Variants in PDE1C observed in about 807,000 individuals in gnomAD.
PDE1C encodes the protein phosphodiesterase 1C.
A neutral mutation model predicts 93.1 loss-of-function variants in PDE1C; 62 were observed. The ratio of observed to expected loss-of-function variants is 0.67; its 90% confidence interval spans 0.54 to 0.82. The LOEUF is 0.82. PDE1C is among the 40% of genes least tolerant of loss of function. PDE1C has a pLI of 0.00. For missense variants in PDE1C, 742 were observed against 884.6 expected (o/e 0.84, Z 2.04); for synonymous variants, 325 against 310.1 (o/e 1.05, Z -0.50).
intron 1 of PDE1C, among the ~76,000 whole-genome samples, chr7:32,398,017 G>T (rs1426787758): frequency 7.2e-5 from 11 of 152,102 alleles, no homozygotes; most frequent in African/African-American, 2.7e-4. Flanking sequence ...GCCGGGGGTG[G>T]TGGCGGGCGC....
chr7:31,787,874 T>C (rs1784175964), intron 16 of PDE1C: 1 of 152,244 alleles, frequency 6.6e-6, no homozygotes, highest in Non-Finnish European at 1.5e-5. Flanking sequence ...TATCAATTCA[T>C]AGCATCATAT....
intron 3 of PDE1C, among the ~76,000 whole-genome samples, chr7:32,149,886 C>G (rs541836134): frequency 2.2e-4 from 34 of 152,294 alleles, no homozygotes; most frequent in East Asian, 2.1e-3. Flanking sequence ...TGCCCACCCC[C>G]ACTCCACCCC....
At chr7:32,162,489 T>C (rs780779573) in intron 3 of PDE1C, among the ~76,000 whole-genome samples, 1 of 152,112 alleles carries the variant, frequency 6.6e-6, no homozygotes, top group Non-Finnish European at 1.5e-5. Flanking sequence ...TGAGCGAGGC[T>C]GAGAAAGCCA....
chr7:31,645,693 C>T, the PDE1C span, among the ~76,000 whole-genome samples: 1 of 152,098 alleles, frequency 6.6e-6, no homozygotes, highest in African/African-American at 2.4e-5. Context: ...GGGATAATTT[C>T]CCACCCCTGA....
intron 3 of PDE1C, among the ~76,000 whole-genome samples, chr7:32,165,041 T>C (rs887588304): frequency 2.0e-5 from 3 of 152,222 alleles, no homozygotes; most frequent in East Asian, 1.9e-4. Flanking sequence ...AGCCTTTTTC[T>C]TTATTTGTGG....
At chr7:31,908,590 C>G (rs187725279) in intron 2 of PDE1C, among the ~76,000 whole-genome samples, 1 of 152,180 alleles carries the variant, frequency 6.6e-6, no homozygotes, top group African/African-American at 2.4e-5. Context: ...TGACTTTGCA[C>G]TGATAACCTC....
At chr7:31,966,136 A>G (rs1481980643) in intron 2 of PDE1C, among the ~76,000 whole-genome samples, 3 of 152,236 alleles carry the variant, frequency 2.0e-5, no homozygotes, top group Non-Finnish European at 4.4e-5. Flanking sequence ...AATGGGCTAA[A>G]TATTCCAATT....
chr7:32,401,858 T>C (rs918804587), intron 1 of PDE1C, among the ~76,000 whole-genome samples: 1 of 152,206 alleles, frequency 6.6e-6, no homozygotes, highest in Non-Finnish European at 1.5e-5. Flanking sequence ...TAGGAGAATA[T>C]GGGCTTCAGT....
At chr7:31,988,688 T>C (rs2129071178) in intron 2 of PDE1C, among the ~76,000 whole-genome samples, 1 of 152,272 alleles carries the variant, frequency 6.6e-6, no homozygotes, top group South Asian at 2.1e-4. Context: ...AGTGAGACCC[T>C]GTCTCTTATA....
intron 1 of PDE1C, among the ~76,000 whole-genome samples, chr7:32,254,272 T>C (rs1809618623): frequency 6.6e-6 from 1 of 151,974 alleles, no homozygotes; most frequent in Non-Finnish European, 1.5e-5. Flanking sequence ...GAGCTGGAGG[T>C]CCTATGTTAT....
chr7:32,103,679 G>A (rs897469069), intron 3 of PDE1C, among the ~76,000 whole-genome samples: 4 of 152,058 alleles, frequency 2.6e-5, no homozygotes, highest in Non-Finnish European at 5.9e-5. Flanking sequence ...AAATACAAAC[G>A]GACAATGATT....
At chr7:32,159,746 G>T (rs571036996) in intron 3 of PDE1C, among the ~76,000 whole-genome samples, 64 of 152,288 alleles carry the variant, frequency 4.2e-4, no homozygotes, top group African/African-American at 1.5e-3. Context: ...GGTGAGACCT[G>T]AGTGTCCTCT....
At chr7:32,101,562 C>A (rs534458850) in intron 3 of PDE1C, among the ~76,000 whole-genome samples, 2 of 152,184 alleles carry the variant, frequency 1.3e-5, no homozygotes, top group Admixed American at 6.5e-5. Context: ...TATAAAAGAG[C>A]CTTATACAAC....
At chr7:31,675,109 T>G in the PDE1C span, among the ~76,000 whole-genome samples, 1 of 152,192 alleles carries the variant, frequency 6.6e-6, no homozygotes, top group South Asian at 2.1e-4. Flanking sequence ...GCAGGTGCAC[T>G]GGCAGCAGTA....
chr7:32,011,036 T>C (rs777786491), intron 2 of PDE1C, among the ~76,000 whole-genome samples: 4 of 152,148 alleles, frequency 2.6e-5, no homozygotes, highest in Non-Finnish European at 4.4e-5. Flanking sequence ...TAAGCTGGAC[T>C]TTATTAAAAT....
intron 3 of PDE1C, among the ~76,000 whole-genome samples, chr7:32,132,780 A>G (rs1244255404): frequency 6.6e-6 from 1 of 152,210 alleles, no homozygotes; most frequent in Admixed American, 6.5e-5. Flanking sequence ...ATATTTTAGT[A>G]ATCAGATGAA....
At chr7:32,394,405 T>C (rs1784804898) in intron 1 of PDE1C, among the ~76,000 whole-genome samples, 1 of 152,228 alleles carries the variant, frequency 6.6e-6, no homozygotes, top group African/African-American at 2.4e-5. Flanking sequence ...AAGTGGGGCC[T>C]ACTAGAAGGT....
At chr7:32,220,543 T>C (rs942623787) in intron 1 of PDE1C, among the ~76,000 whole-genome samples, 1 of 152,126 alleles carries the variant, frequency 6.6e-6, no homozygotes, top group Non-Finnish European at 1.5e-5. Context: ...CAGCCGGGCA[T>C]GGTGGCTCAC....
chr7:31,859,474 T>G (rs936809718), intron 7 of PDE1C, among the ~76,000 whole-genome samples: 1 of 149,954 alleles, frequency 6.7e-6, no homozygotes, highest in African/African-American at 2.4e-5. Context: ...TAAAGTTATA[T>G]CATAGGATAT....
Sources: allele counts gnomAD v4.1 joint callset (sites outside exome capture counted in the v4.1 genomes callset), GRCh38; gene constraint gnomAD v4.1.1; transcripts MANE v1.5; gene names NCBI Gene and HGNC (gene_info 2026-07-23, HGNC 2026-07-21).